ANK2: variants seen among roughly 807,000 people sequenced by gnomAD.
The protein encoded by ANK2 is ankyrin 2, also known as ankyrin-2.
ANK2 carries 83 observed loss-of-function variants against 360.5 expected under a neutral mutation model. That is an observed-to-expected ratio of 0.23 (90% CI 0.19 to 0.28). The LOEUF (loss-of-function observed/expected upper bound fraction) is 0.28. Among genes scored for constraint, ANK2 ranks in the 10% least tolerant of loss-of-function variants. The pLI, the probability that ANK2 is intolerant of heterozygous loss-of-function variation, is 1.00. For missense variants in ANK2, 4,201 were observed against 4,795.7 expected (o/e 0.88, Z 3.66); for synonymous variants, 1,740 against 1,759.5 (o/e 0.99, Z 0.28).
At position 113,288,461 on chromosome 4, in the gene ANK2, G is replaced by A; in HGVS notation, c.2252G>A (p.Gly751Glu). The A allele has an allele frequency of 6.2e-7, 1 of 1,613,916 alleles. No individual in the cohort carries two copies. Among genetic ancestry groups the A allele is most frequent in the Non-Finnish European group, 8.5e-7 (1 of 1,179,890 alleles). Residue 751 changes from glycine to glutamate, a missense_variant, in exon 20 of 46, where the codon GGA becomes GAA. Transcript: ENST00000357077. ...ATGGTCAACTTTCTTCTGAAGCAGGGAGCAAATGTTAACGCAAAAACCAAG... is the reference window on the plus strand; with the variant it reads ...ATGGTCAACTTTCTTCTGAAGCAGGAAGCAAATGTTAACGCAAAAACCAAG... ...VKMVNFLLKQGANVNAKTKNG... is the reference protein window; with the variant it reads ...VKMVNFLLKQEANVNAKTKNG...
chr4:112,775,545 A>AC, the ANK2 span, among the ~76,000 whole-genome samples: 1,362 of 150,988 alleles, frequency 9.0e-3, 22 homozygotes, highest in African/African-American at 0.028. Flanking sequence ...ACACACACAC[A>AC]AGAAAAAAAA....
intron 1 of ANK2, among the ~76,000 whole-genome samples, chr4:112,887,896 A>G (rs544947131): frequency 1.6e-4 from 24 of 152,286 alleles, no homozygotes; most frequent in African/African-American, 5.8e-4. Context: ...CTTAATAAGT[A>G]CTTATTAAAT....
intron 38 of ANK2, 125 bp downstream of exon 38, chr4:113,359,424 G>A: frequency 8.0e-7 from 1 of 1,243,274 alleles, no homozygotes; most frequent in South Asian, 1.3e-5. Flanking sequence ...AGTGGCTAAT[G>A]TGTTTGTGTA....
At chr4:112,772,446 A>G in the ANK2 span, among the ~76,000 whole-genome samples, 1 of 152,170 alleles carries the variant, frequency 6.6e-6, no homozygotes, top group East Asian at 1.9e-4. Context: ...TTGAGTGGGA[A>G]CACAGCCAAA....
At chr4:113,081,930 C>T (rs998742368) in intron 1 of ANK2, among the ~76,000 whole-genome samples, 2 of 151,996 alleles carry the variant, frequency 1.3e-5, no homozygotes, top group Non-Finnish European at 2.9e-5. Context: ...CTGCCTCAGC[C>T]TCCAGAGTAG....
the ANK2 span, among the ~76,000 whole-genome samples, chr4:112,711,242 C>T: frequency 1.3e-5 from 2 of 150,932 alleles, no homozygotes; most frequent in African/African-American, 4.9e-5. Flanking sequence ...AGGCTATGGG[C>T]AGTGCAGTGG....
At chr4:113,119,631 A>G (rs1405836186) in intron 1 of ANK2, among the ~76,000 whole-genome samples, 1 of 152,162 alleles carries the variant, frequency 6.6e-6, no homozygotes, top group Non-Finnish European at 1.5e-5. Flanking sequence ...CATAAGGGAA[A>G]GCATCAGTTG....
chr4:112,957,193 G>C (rs536754684), intron 2 of ANK2, among the ~76,000 whole-genome samples: 94 of 151,396 alleles, frequency 6.2e-4, no homozygotes, highest in Admixed American at 2.2e-3. Flanking sequence ...CTGGGTACTT[G>C]AGATTAGGGA....
chr4:112,992,390 C>T (rs1476961038), intron 2 of ANK2, among the ~76,000 whole-genome samples: 3 of 152,124 alleles, frequency 2.0e-5, no homozygotes, highest in South Asian at 2.1e-4. Context: ...GTGATCCACC[C>T]TCCTTGGCCT....
intron 2 of ANK2, among the ~76,000 whole-genome samples, chr4:113,030,677 A>C (rs2060213842): frequency 6.6e-6 from 1 of 152,046 alleles, no homozygotes; most frequent in Non-Finnish European, 1.5e-5. Context: ...AATCTGCATC[A>C]TGATGACTAT....
chr4:112,788,284 G>T, the ANK2 span: 67 of 1,575,384 alleles, frequency 4.3e-5, 1 homozygote, highest in South Asian at 7.2e-4. Flanking sequence ...AGGCGACAGT[G>T]GTGCAGGTCT....
the ANK2 span, among the ~76,000 whole-genome samples, chr4:112,755,061 T>C: frequency 1.3e-5 from 2 of 152,250 alleles, no homozygotes; most frequent in African/African-American, 2.4e-5. Flanking sequence ...AGTCTGATAG[T>C]GGACCACTGT....
intron 1 of ANK2, among the ~76,000 whole-genome samples, chr4:113,084,688 G>A (rs148770582): frequency 6.6e-6 from 1 of 152,260 alleles, no homozygotes; most frequent in African/African-American, 2.4e-5. Flanking sequence ...CCCTCTTTCT[G>A]TAGTTGCTCA....
chr4:112,720,246 T>G, the ANK2 span, among the ~76,000 whole-genome samples: 1 of 152,226 alleles, frequency 6.6e-6, no homozygotes, highest in African/African-American at 2.4e-5. Context: ...AACAGCATCT[T>G]TAGTGTAAAC....
At chr4:113,316,211 A>G (rs1169910439) in intron 24 of ANK2, among the ~76,000 whole-genome samples, 2 of 152,232 alleles carry the variant, frequency 1.3e-5, no homozygotes, top group Non-Finnish European at 2.9e-5. Flanking sequence ...AAAATAGTTA[A>G]TTCTCAGGTT....
At chr4:112,807,311 T>G in the ANK2 span, among the ~76,000 whole-genome samples, 1 of 152,330 alleles carries the variant, frequency 6.6e-6, no homozygotes, top group East Asian at 1.9e-4. Context: ...GATTTCATAT[T>G]GTTTTTAAGG....
chr4:112,840,550 AG>A (rs1301374772), intron 1 of ANK2, among the ~76,000 whole-genome samples: 1 of 152,184 alleles, frequency 6.6e-6, no homozygotes, highest in Non-Finnish European at 1.5e-5. Context: ...ATATACCCAG[AG>A]GGTCCATAAT....
intron 1 of ANK2, among the ~76,000 whole-genome samples, chr4:112,902,503 G>C (rs1001804579): frequency 2.6e-5 from 4 of 152,176 alleles, no homozygotes; most frequent in African/African-American, 9.7e-5. Flanking sequence ...AATTGGGCCA[G>C]GTTTTTGTGA....
chr4:112,948,983 T>C (rs1387702494), intron 2 of ANK2, among the ~76,000 whole-genome samples: 2 of 152,048 alleles, frequency 1.3e-5, no homozygotes, highest in African/African-American at 4.8e-5. Flanking sequence ...GCCACTGGAG[T>C]TCTTTGAAGA....
Sources: allele counts gnomAD v4.1 joint callset (sites outside exome capture counted in the v4.1 genomes callset), GRCh38; gene constraint gnomAD v4.1.1; transcripts MANE v1.5; gene names NCBI Gene and HGNC (gene_info 2026-07-23, HGNC 2026-07-21).